Variants in KATNAL1 observed in about 807,000 individuals in gnomAD.
KATNAL1 encodes katanin catalytic subunit A1 like 1, also known as katanin p60 ATPase-containing subunit A-like 1.
Under a neutral mutation model 55.2 loss-of-function variants are expected in KATNAL1, and 32 were observed. The observed-to-expected ratio is 0.58, with a 90% CI of 0.44 to 0.78. The LOEUF (loss-of-function observed/expected upper bound fraction) is 0.78. KATNAL1 is among the 30% of genes least tolerant of loss of function. KATNAL1 has a pLI of 0.00. For missense variants in KATNAL1, 466 were observed against 600.9 expected, an observed-to-expected ratio of 0.78 and a Z score of 2.35; for synonymous variants, 193 against 193.6, an observed-to-expected ratio of 1.00 and a Z score of 0.02.
chr13:30,246,534 T>C (rs1877813528), intron 4 of KATNAL1, among the ~76,000 whole-genome samples: 1 of 152,118 alleles, frequency 6.6e-6, no homozygotes, highest in Non-Finnish European at 1.5e-5. Context: ...AAGCCGAAAT[T>C]GACAAATGGG....
chr13:30,216,802 T>C (rs777701273), intron 9 of KATNAL1, among the ~76,000 whole-genome samples: 1 of 152,206 alleles, frequency 6.6e-6, no homozygotes, highest in Non-Finnish European at 1.5e-5. Flanking sequence ...CATTACACAA[T>C]GTTCCACATA....
intron 3 of KATNAL1, among the ~76,000 whole-genome samples, chr13:30,267,638 C>T (rs184272187): frequency 6.6e-6 from 1 of 152,296 alleles, no homozygotes; most frequent in African/African-American, 2.4e-5. Flanking sequence ...AAATAATATG[C>T]AGTGACAACA....
intron 3 of KATNAL1, among the ~76,000 whole-genome samples, chr13:30,270,958 A>G (rs1880307462): frequency 6.6e-6 from 1 of 152,188 alleles, no homozygotes. Flanking sequence ...AAAGCTGACT[A>G]AGGGAACAAG....
At chr13:30,252,501 G>A (rs1878412200) in intron 4 of KATNAL1, among the ~76,000 whole-genome samples, 1 of 152,028 alleles carries the variant, frequency 6.6e-6, no homozygotes, top group Non-Finnish European at 1.5e-5. Flanking sequence ...TCTGACCCAG[G>A]CACAAAGTAA....
Position 30,210,425 on chromosome 13 carries a change from G to A in KATNAL1, c.1165C>T (p.Leu389Phe). The A allele has an allele frequency of 1.2e-6, 2 of 1,603,630 alleles. No individual in the cohort carries two copies. Among genetic ancestry groups the A allele is most frequent in the Non-Finnish European group, 1.7e-6 (2 of 1,176,150 alleles). ...ACCTCACGAAGGTTGATCTTCAGAAGCTCAGCTCTTCCTTTTGCTGTTACA... is the reference window on the plus strand; with the variant it reads ...ACCTCACGAAGGTTGATCTTCAGAAACTCAGCTCTTCCTTTTGCTGTTACA... The part of the protein sequence containing the change: ...PLPTAKGRAE[L>F]LKINLREVEL... The change falls in exon 10 of 11, where the codon CTT (leucine) becomes TTT (phenylalanine). Residue 389 changes from leucine (L) to phenylalanine (F), a missense_variant. Physicochemically the swap from Leu to Phe is conservative, Grantham distance 22. This residue lies in a region of KATNAL1 where 213 missense variants were observed against 308.6 expected (regional missense o/e 0.69). Transcript: ENST00000380615.
chr13:30,285,267 T>C (rs1341307912), intron 1 of KATNAL1, among the ~76,000 whole-genome samples: 2 of 152,204 alleles, frequency 1.3e-5, no homozygotes, highest in Non-Finnish European at 2.9e-5. Flanking sequence ...AATAGTACAC[T>C]ACTAATACGG....
In KATNAL1 at chr13:30,244,587, C is replaced by T. The variant is rs986624793; in HGVS notation, c.493-3501G>A. Among the ~76,000 whole-genome samples the T allele has an allele frequency of 2.6e-5, 4 of 152,084 alleles. No homozygotes were observed. The East Asian group carries it at 5.8e-4, about 22-fold the overall frequency. ...TTTCTCCATATCCTTTCCAGCAAAC[C>T]CTTCAAAAAATCAATGAATCAAGGA... On this transcript the variant is annotated intron_variant, in intron 4 of 10. Transcript: ENST00000380615.
chr13:30,292,482 TAGAGAA>T, intron 1 of KATNAL1, among the ~76,000 whole-genome samples: 1 of 152,208 alleles, frequency 6.6e-6, no homozygotes, highest in African/African-American at 2.4e-5. Context: ...GGCCTAAGCT[TAGAGAA>T]CCTGAATCTA....
chr13:30,307,275 T>C (rs543980916), intron 1 of KATNAL1, 56 bp downstream of exon 1: 1 of 152,570 alleles, frequency 6.6e-6, no homozygotes, highest in Non-Finnish European at 1.5e-5. Flanking sequence ...GGCTGTTGGC[T>C]AGAGCCCTCC....
chr13:30,276,392 T>C (rs991081148), intron 3 of KATNAL1, among the ~76,000 whole-genome samples: 1 of 151,662 alleles, frequency 6.6e-6, no homozygotes, highest in African/African-American at 2.4e-5. Context: ...GTGTTAAAAG[T>C]CAATGAAGTG....
intron 1 of KATNAL1, among the ~76,000 whole-genome samples, chr13:30,286,369 C>G (rs1881789475): frequency 6.6e-6 from 1 of 152,202 alleles, no homozygotes; most frequent in East Asian, 1.9e-4. Context: ...TGCTCTGCAC[C>G]CAGCCACTCC....
At chr13:30,242,752 C>G (rs1169423167) in intron 4 of KATNAL1, among the ~76,000 whole-genome samples, 3 of 151,890 alleles carry the variant, frequency 2.0e-5, no homozygotes, top group Non-Finnish European at 4.4e-5. Flanking sequence ...TGCCCGAGAA[C>G]CCAAAGTTTC....
intron 3 of KATNAL1, among the ~76,000 whole-genome samples, chr13:30,263,898 A>G (rs561768447): frequency 0.019 from 2,865 of 150,118 alleles, 35 homozygotes; most frequent in Non-Finnish European, 0.03. Context: ...ATGGAACCAA[A>G]AAAGAGCCCA....
At chr13:30,281,129 AAAAAAAAAG>A (rs1373381221) in intron 2 of KATNAL1, among the ~76,000 whole-genome samples, 7 of 148,314 alleles carry the variant, frequency 4.7e-5, no homozygotes, top group African/African-American at 1.0e-4. Context: ...TGTCAAAAAA[AAAAAAAAAG>A]AAAAGAAAAG....
chr13:30,230,945 A>G (rs909739146), intron 7 of KATNAL1, among the ~76,000 whole-genome samples: 5 of 152,212 alleles, frequency 3.3e-5, no homozygotes, highest in African/African-American at 1.2e-4. Flanking sequence ...CATATGAAAA[A>G]GGAATAAACT....
Position 30,207,038 on chromosome 13 carries a change from ATC to A in KATNAL1, c.*1500_*1501del, listed in dbSNP as rs1349906181. 6 of 152,240 alleles carry A rather than the reference ATC, an allele frequency of 3.9e-5. No individual in the cohort carries two copies. The East Asian group carries it at 1.2e-3, about 29-fold the overall frequency. The allele number at this position is 152,240 out of a possible 1,614,324, so 9.4% of individuals were successfully genotyped here. A position where few individuals can be genotyped will look rare whatever the true frequency, so the allele number is the denominator to read the frequency against. On this transcript the variant is annotated 3_prime_UTR_variant, in exon 11 of 11. Transcript: ENST00000380615. ...GTTTTTAGCAGGGAAAAATAATCAA[ATC>A]TCTTTTTTTAAAAAAAACCTTCTTA...
intron 1 of KATNAL1, among the ~76,000 whole-genome samples, chr13:30,305,048 T>C (rs1294000367): frequency 2.0e-5 from 3 of 152,208 alleles, no homozygotes; most frequent in African/African-American, 4.8e-5. Context: ...TTTTCTATTA[T>C]ACAACTGGCT....
rs920210374 is a variant in KATNAL1, at chr13:30,264,077, C to A, written c.324-8462G>T. Among the ~76,000 whole-genome samples the A allele has an allele frequency of 2.8e-3, 421 of 150,634 alleles. 6 individuals carry two copies. The highest frequency in any genetic ancestry group is 9.7e-3 in the African/African-American group (398 of 41,038). On this transcript the variant is annotated intron_variant, in intron 3 of 10. Transcript: ENST00000380615. Reference sequence around the variant, plus strand: ...AGCCCTCAGAAATAACGCCGCATATCTACAACTATCTGATCTTTGACAAAC... The same window carrying A: ...AGCCCTCAGAAATAACGCCGCATATATACAACTATCTGATCTTTGACAAAC...
At chr13:30,271,539 C>G (rs1880357889) in intron 3 of KATNAL1, among the ~76,000 whole-genome samples, 1 of 152,038 alleles carries the variant, frequency 6.6e-6, no homozygotes, top group Non-Finnish European at 1.5e-5. Context: ...AGGTGCTACA[C>G]ACTTTTTAAC....
Sources: gnomAD v4.1 joint callset for allele counts (sites outside exome capture counted in the v4.1 genomes callset) on GRCh38, gnomAD v4.1.1 for gene constraint, gnomAD v4.1.1 regional missense constraint, MANE v1.5 for transcripts, NCBI Gene and HGNC (gene_info 2026-07-23, HGNC 2026-07-21) for gene names.